DGKE: variants seen among roughly 807,000 people sequenced by gnomAD.
DGKE encodes DAG kinase epsilon.
DGKE carries 53 observed loss-of-function variants against 70.0 expected under a neutral mutation model. The ratio of observed to expected loss-of-function variants is 0.76; its 90% confidence interval spans 0.61 to 0.95. The LOEUF (loss-of-function observed/expected upper bound fraction) is 0.95. Ranked by LOEUF, DGKE falls within the 40% of genes least tolerant of loss-of-function variation. The pLI, the probability that DGKE is intolerant of heterozygous loss-of-function variation, is 0.00. For synonymous variants in DGKE, 291 were observed against 257.0 expected (o/e 1.13, Z -1.27); for missense variants, 655 against 706.9 (o/e 0.93, Z 0.83).
At chr17:56,856,723 A>G (rs1056394683) in intron 8 of DGKE, 98 bp downstream of exon 8, 2 of 1,391,132 alleles carry the variant, frequency 1.4e-6, no homozygotes, top group East Asian at 2.6e-5. Flanking sequence ...AGATTTAACT[A>G]ACTTACAGAA....
intron 8 of DGKE, 105 bp from the exon 9 acceptor site, chr17:56,858,489 G>A: frequency 1.1e-6 from 1 of 916,408 alleles, no homozygotes; most frequent in South Asian, 1.8e-5. Flanking sequence ...TAAGGAGAAT[G>A]TGTGCTTCAA....
At chr17:56,848,616 G>T in intron 5 of DGKE, 80 bp from the exon 6 acceptor site, 2 of 1,425,008 alleles carry the variant, frequency 1.4e-6, no homozygotes, top group Non-Finnish European at 1.9e-6. Context: ...TACTGTTTTG[G>T]TCTTATTAAA....
At position 56,834,846 on chromosome 17, in the gene DGKE, T is replaced by G. The variant is rs1317914274; in HGVS notation, c.51T>G (p.Phe17Leu). ...PAPGSPSEGL[F>L]ADGHLILWTL... Reference sequence around the variant, plus strand: ...CGGGCTCGCCCTCCGAGGGCCTGTTTGCGGACGGGCACCTGATCTTGTGGA... The same window carrying G: ...CGGGCTCGCCCTCCGAGGGCCTGTTGGCGGACGGGCACCTGATCTTGTGGA... The change falls in exon 2 of 12, where the codon TTT (phenylalanine) becomes TTG (leucine). Residue 17 changes from phenylalanine to leucine, a missense_variant. Coordinates refer to ENST00000284061, the MANE Select transcript of DGKE (RefSeq NM_003647.3). 1 of 1,611,326 alleles carries G rather than the reference T, an allele frequency of 6.2e-7. No individual in the cohort carries two copies. The highest frequency in any genetic ancestry group is 8.5e-7 in the Non-Finnish European group (1 of 1,178,892).
intron 2 of DGKE, among the ~76,000 whole-genome samples, chr17:56,840,170 AT>A (rs1209541563): frequency 6.6e-6 from 1 of 152,194 alleles, no homozygotes; most frequent in Non-Finnish European, 1.5e-5. Context: ...ATCTCAAAAA[AT>A]AATAGTAATA....
rs757336402 is a variant in DGKE at position 56,848,853 on chromosome 17, G to A, written c.1046G>A (p.Arg349Gln). Residue 349 changes from arginine to glutamine, a missense_variant and splice_region_variant, in exon 6 of 12, where the codon CGA (arginine) becomes CAA (glutamine). By Grantham distance (43) the Arg-to-Gln change is conservative. Coordinates refer to ENST00000284061, the MANE Select transcript of DGKE (RefSeq NM_003647.3). Reference protein sequence around the residue: ...VMEADGIKLDRWKVQVTNKGY... With the variant: ...VMEADGIKLDQWKVQVTNKGY... ...GAAGCAGATGGAATTAAACTAGATC[G>A]GTAAGTTACGTTTCCCCAAAAAGTA... 3.7e-6 allele frequency: 6 copies of A among 1,613,908 alleles called. No individual in the cohort carries two copies. Among genetic ancestry groups the A allele is most frequent in the Admixed American group, 3.3e-5 (2 of 59,974 alleles).
rs375950944 is a variant in DGKE at position 56,834,790 on chromosome 17, G to C, written c.-6G>C. 1 of 1,595,940 alleles carries C rather than the reference G, an allele frequency of 6.3e-7. No homozygotes were observed. ...CTTTTCTGGTTAGGTATCGTCCTTG[G>C]AGAAGATGGAAGCGGAGAGGCGGCC... On this transcript the variant is annotated 5_prime_UTR_variant, in exon 2 of 12. Coordinates refer to ENST00000284061, the MANE Select transcript of DGKE (RefSeq NM_003647.3).
Position 56,868,941 on chromosome 17 carries a change from A to G in DGKE, c.*6150A>G, listed in dbSNP as rs1908641141. The G allele has an allele frequency of 1.3e-5, 2 of 152,342 alleles. No homozygotes were observed. Among genetic ancestry groups the G allele is most frequent in the South Asian group, 4.1e-4 (2 of 4,828 alleles). The allele number at this position is 152,342 out of a possible 1,614,324, so 9.4% of individuals were successfully genotyped here. Reference sequence around the variant, plus strand: ...CTGGCAGAGTAGAGCAGTAAGTGGGATCAAAGGTGAATTCACCTTATTTTC... The same window carrying G: ...CTGGCAGAGTAGAGCAGTAAGTGGGGTCAAAGGTGAATTCACCTTATTTTC... On this transcript the variant is annotated 3_prime_UTR_variant, in exon 12 of 12. Coordinates refer to ENST00000284061, the MANE Select transcript of DGKE (RefSeq NM_003647.3).
intron 7 of DGKE, among the ~76,000 whole-genome samples, chr17:56,851,772 A>G (rs1907665661): frequency 6.6e-6 from 1 of 152,246 alleles, no homozygotes; most frequent in Admixed American, 6.5e-5. Context: ...GTTCTCAGAG[A>G]AAAATGAAAA....
chr17:56,834,744 C>T, intron 1 of DGKE, 34 bp from the exon 2 acceptor site: 2 of 1,522,958 alleles, frequency 1.3e-6, no homozygotes, highest in Non-Finnish European at 1.8e-6. Context: ...GGATGGCGAG[C>T]TCGGGGTGCA....
intron 11 of DGKE, 177 bp from the exon 12 acceptor site, chr17:56,862,435 A>C (rs1333211197): frequency 5.8e-6 from 5 of 866,746 alleles, no homozygotes; most frequent in Non-Finnish European, 8.5e-6. Context: ...GATCCATGAG[A>C]TAAAACGTTC....
chr17:56,835,970 T>A (rs1044201412), intron 2 of DGKE: 2 of 152,260 alleles, frequency 1.3e-5, no homozygotes, highest in Admixed American at 6.5e-5. Context: ...GAATGCTGCT[T>A]TGCAAATGAT....
At chr17:56,845,882 A>G (rs1413563488) in intron 4 of DGKE, 73 bp downstream of exon 4, 6 of 1,411,496 alleles carry the variant, frequency 4.3e-6, no homozygotes, top group Non-Finnish European at 5.7e-6. Context: ...TAATGCTTCA[A>G]GTCACTAATC....
chr17:56,853,471 T>G (rs1907768125), intron 7 of DGKE, among the ~76,000 whole-genome samples: 1 of 152,356 alleles, frequency 6.6e-6, no homozygotes, highest in Admixed American at 6.5e-5. Context: ...TTGAATTGAT[T>G]CTTTATAATG....
chr17:56,861,732 A>G (rs1388066516), intron 9 of DGKE, 59 bp from the exon 10 acceptor site: 1 of 1,593,478 alleles, frequency 6.3e-7, no homozygotes, highest in African/African-American at 1.4e-5. Flanking sequence ...TGAATTCTAA[A>G]TGGATGTGTG....
chr17:56,857,710 T>G (rs555655680), intron 8 of DGKE, among the ~76,000 whole-genome samples: 1 of 152,328 alleles, frequency 6.6e-6, no homozygotes, highest in South Asian at 2.1e-4. Flanking sequence ...AGTGGAATTT[T>G]CTAATTCGAA....
chr17:56,845,220 C>A (rs1452357619), intron 3 of DGKE, among the ~76,000 whole-genome samples: 1 of 152,004 alleles, frequency 6.6e-6, no homozygotes, highest in Admixed American at 6.6e-5. Context: ...AATCTGAGTA[C>A]CCCATTTTAA....
rs1908476948 is a variant in DGKE at position 56,865,025 on chromosome 17, G to A, written c.*2234G>A. The A allele has an allele frequency of 6.6e-6, 1 of 151,906 alleles. No homozygotes were observed. The highest frequency in any genetic ancestry group is 2.4e-5 in the African/African-American group (1 of 41,352). 9.4% of individuals were successfully genotyped at this position (151,906 alleles called of 1,614,324 possible). A position where few individuals can be genotyped will look rare whatever the true frequency, so the allele number is the denominator to read the frequency against. On this transcript the variant is annotated 3_prime_UTR_variant, in exon 12 of 12. Transcript: ENST00000284061. ...TATTCACTTATTTAGACTTCATTTA[G>A]GGAAGCTATTTCAGAATACCATCTC...
intron 4 of DGKE, among the ~76,000 whole-genome samples, chr17:56,847,168 G>A (rs1182482548): frequency 2.0e-5 from 3 of 151,846 alleles, no homozygotes; most frequent in African/African-American, 7.3e-5. Flanking sequence ...GCATTTTTAT[G>A]TCATTTTCTA....
intron 7 of DGKE, among the ~76,000 whole-genome samples, chr17:56,856,266 G>A (rs1458949076): frequency 1.3e-5 from 2 of 152,070 alleles, no homozygotes; most frequent in African/African-American, 4.8e-5. Flanking sequence ...CATTCTAGAT[G>A]GTAAGGTCTG....
Sources: gnomAD v4.1 joint callset for allele counts (sites outside exome capture counted in the v4.1 genomes callset) on GRCh38, gnomAD v4.1.1 for gene constraint, MANE v1.5 for transcripts, NCBI Gene and HGNC (gene_info 2026-07-23, HGNC 2026-07-21) for gene names.